BRIP1: variants seen among roughly 807,000 people sequenced by gnomAD.
BRIP1 encodes Fanconi anemia group J protein.
BRIP1 carries 88 observed loss-of-function variants against 119.7 expected under a neutral mutation model. The ratio of observed to expected loss-of-function variants is 0.74; its 90% confidence interval spans 0.62 to 0.88. The LOEUF (loss-of-function observed/expected upper bound fraction) is 0.88, where lower values mean the gene tolerates loss of function less well. Among genes scored for constraint, BRIP1 ranks in the 40% least tolerant of loss-of-function variants. The probability of loss-of-function intolerance (pLI) is 0.00; values close to 1 mark genes in which losing one functional copy is unlikely to be tolerated. For synonymous variants in BRIP1, 443 were observed against 496.5 expected (o/e 0.89, Z 1.43); for missense variants, 1,259 against 1,455.4 (o/e 0.87, Z 2.20).
chr17:61,730,079 G>A lies in BRIP1; in HGVS notation c.2379+12934C>T, dbSNP rs1019473540. 6.6e-6 allele frequency among the ~76,000 whole-genome samples: 1 copy of A among 152,218 alleles called. No homozygotes were observed. The highest frequency in any genetic ancestry group is 1.5e-5 in the Non-Finnish European group (1 of 68,040). ...GAAAATACACTGAGTTATTTGTATA[G>A]CTTACTATAGTCACTGACGCACTGG... On this transcript the variant is annotated intron_variant, in intron 16 of 19. Transcript: ENST00000259008. The surrounding 1 kb of genome is among the most constrained non-coding windows in gnomAD (Gnocchi z 4.3).
chr17:61,791,709 G>A (rs1000303905), intron 10 of BRIP1, among the ~76,000 whole-genome samples: 5 of 151,874 alleles, frequency 3.3e-5, no homozygotes, highest in African/African-American at 9.7e-5. Context: ...CCTGCCCCAT[G>A]GAAGTACAGC....
chr17:61,714,247 C>G (rs1009014209), intron 17 of BRIP1, among the ~76,000 whole-genome samples: 2 of 152,164 alleles, frequency 1.3e-5, no homozygotes, highest in Non-Finnish European at 2.9e-5. Flanking sequence ...ATAAAGCCTA[C>G]AGTTAGTGTA....
At position 61,780,693 on chromosome 17, in the gene BRIP1, A is replaced by C. The variant is rs1603333935; in HGVS notation, c.1794+147T>G. On this transcript the variant is annotated intron_variant, in intron 12 of 19. Coordinates refer to ENST00000259008, the MANE Select transcript of BRIP1 (RefSeq NM_032043.3). This position sits in a 1 kb window ranked among gnomAD's most constrained non-coding sequence, Gnocchi z 5.4. Reference sequence around the variant, plus strand: ...CAGTGAGCTGAGATTGCACCACTGCACTCCAGCCTGGGTGAAGAGCAAGAC... The same window carrying C: ...CAGTGAGCTGAGATTGCACCACTGCCCTCCAGCCTGGGTGAAGAGCAAGAC... 1.0e-6 allele frequency: 1 copy of C among 970,152 alleles called. No homozygotes were observed. Among genetic ancestry groups the C allele is most frequent in the Non-Finnish European group, 1.6e-6 (1 of 621,822 alleles). 60.1% of individuals were successfully genotyped at this position (970,152 alleles called of 1,614,324 possible). A position where few individuals can be genotyped will look rare whatever the true frequency, so the allele number is the denominator to read the frequency against.
chr17:61,859,042 C>G (rs1301178905), intron 3 of BRIP1, among the ~76,000 whole-genome samples: 1 of 136,264 alleles, frequency 7.3e-6, no homozygotes, highest in Non-Finnish European at 1.5e-5. Context: ...TCCCAGGTGA[C>G]GCCACTCAAA....
rs1483046807 is a variant in BRIP1 at position 61,824,310 on chromosome 17, A to C, written c.628-15553T>G. On this transcript the variant is annotated intron_variant, in intron 6 of 19. Coordinates refer to ENST00000259008, the MANE Select transcript of BRIP1 (RefSeq NM_032043.3). The surrounding 1 kb of genome is among the most constrained non-coding windows in gnomAD (Gnocchi z 4.3). ...GAAGTTTCTTGCAGAAATAGAAAAT[A>C]CCATCCTAAAATTCACATGGATTCT... Among the ~76,000 whole-genome samples, 1 of 152,230 alleles carries C rather than the reference A, an allele frequency of 6.6e-6. No homozygotes were observed. The highest frequency in any genetic ancestry group is 1.9e-4 in the East Asian group (1 of 5,198).
In BRIP1 at chr17:61,685,858, G is replaced by A. The variant is rs367728797; in HGVS notation, c.2883C>T (p.Ser961=). The A allele has an allele frequency of 6.2e-7, 1 of 1,612,534 alleles. No homozygotes were observed. Among genetic ancestry groups the A allele is most frequent in the Non-Finnish European group, 8.5e-7 (1 of 1,179,056 alleles). ...TACTTTTCTCCTTTCTGGAGATAAT[G>A]CTACTTGGTAGAGGTGAATTTTTGG... ...IITKNSPLPS[S]IISRKEKNDP... is the part of the protein sequence containing the mutation. The change falls in exon 19 of 20, where the codon AGC becomes AGT. Residue 961 remains serine (S), a synonymous_variant. Coordinates refer to ENST00000259008, the MANE Select transcript of BRIP1 (RefSeq NM_032043.3).
At position 61,724,406 on chromosome 17, in the gene BRIP1, G is replaced by C. The variant is rs777860808; in HGVS notation, c.2380-8343C>G. Among the ~76,000 whole-genome samples the C allele has an allele frequency of 6.6e-6, 1 of 151,988 alleles. No homozygotes were observed. The highest frequency in any genetic ancestry group is 2.4e-5 in the African/African-American group (1 of 41,392). Reference sequence around the variant, plus strand: ...AATAGACAATATGAAATAATCAAAAGGATTATACTGCATATGTCAACGAGA... The same window carrying C: ...AATAGACAATATGAAATAATCAAAACGATTATACTGCATATGTCAACGAGA... On this transcript the variant is annotated intron_variant, in intron 16 of 19. Coordinates refer to ENST00000259008, the MANE Select transcript of BRIP1 (RefSeq NM_032043.3). The surrounding 1 kb of genome is among the most constrained non-coding windows in gnomAD (Gnocchi z 5.1).
In BRIP1 at chr17:61,827,232, G is replaced by A. The variant is rs555429745; in HGVS notation, c.628-18475C>T. ...AGGAGCTAAATCATGAGAACATATG[G>A]AAACATAAAGGGGAAAAACACACAA... is the stretch of plus-strand genomic sequence containing the variant. On this transcript the variant is annotated intron_variant, in intron 6 of 19. Transcript: ENST00000259008. The surrounding 1 kb of genome is among the most constrained non-coding windows in gnomAD (Gnocchi z 5.8). Among the ~76,000 whole-genome samples the A allele has an allele frequency of 1.3e-5, 2 of 152,212 alleles. No individual in the cohort carries two copies. The highest frequency in any genetic ancestry group is 3.9e-4 in the East Asian group (2 of 5,180).
chr17:61,782,758 A>T (rs1439251731), intron 11 of BRIP1, among the ~76,000 whole-genome samples: 1 of 152,202 alleles, frequency 6.6e-6, no homozygotes, highest in Non-Finnish European at 1.5e-5. Flanking sequence ...ACATGAAAAG[A>T]TTCTCAACTT....
chr17:61,812,368 G>A (rs536244092), intron 6 of BRIP1, among the ~76,000 whole-genome samples: 39 of 152,090 alleles, frequency 2.6e-4, no homozygotes, highest in Admixed American at 2.1e-3. Context: ...CAGGAAACTA[G>A]AGAATAAATT....
In BRIP1 at chr17:61,683,130, C is replaced by CAAA; in HGVS notation, c.*163_*165dup. 2 of 754,482 alleles carry CAAA rather than the reference C, an allele frequency of 2.7e-6. No homozygotes were observed. Among genetic ancestry groups the CAAA allele is most frequent in the Non-Finnish European group, 2.0e-6 (1 of 506,434 alleles). 46.7% of individuals were successfully genotyped at this position (754,482 alleles called of 1,614,324 possible). A position where few individuals can be genotyped will look rare whatever the true frequency, so the allele number is the denominator to read the frequency against. Reference sequence around the variant, plus strand: ...TGGGCAACAGACCAAGACTCTGTCTCAAAAAAAAAAACCCAAAAACTCAAG... The same window carrying CAAA: ...TGGGCAACAGACCAAGACTCTGTCTCAAAAAAAAAAAAAACCCAAAAACTCAAG... On this transcript the variant is annotated 3_prime_UTR_variant, in exon 20 of 20. Coordinates refer to ENST00000259008, the MANE Select transcript of BRIP1 (RefSeq NM_032043.3). The surrounding 1 kb of genome is among the most constrained non-coding windows in gnomAD (Gnocchi z 4.7).
chr17:61,703,416 A>G lies in BRIP1; in HGVS notation c.2493-9904T>C, dbSNP rs1567746310. On this transcript the variant is annotated intron_variant, in intron 17 of 19. Coordinates refer to ENST00000259008, the MANE Select transcript of BRIP1 (RefSeq NM_032043.3). The surrounding 1 kb of genome is among the most constrained non-coding windows in gnomAD (Gnocchi z 5.0). Reference sequence around the variant, plus strand: ...ATGATAGTGTGTTGAACATTTTTTCATATGCTTCTTGGCCACATGCATGTC... The same window carrying G: ...ATGATAGTGTGTTGAACATTTTTTCGTATGCTTCTTGGCCACATGCATGTC... Among the ~76,000 whole-genome samples, 1 of 152,086 alleles carries G rather than the reference A, an allele frequency of 6.6e-6. No individual in the cohort carries two copies. The highest frequency in any genetic ancestry group is 2.4e-5 in the African/African-American group (1 of 41,408).
chr17:61,784,518 A>G (rs1358892742), intron 10 of BRIP1, 94 bp from the exon 11 acceptor site: 5 of 1,200,242 alleles, frequency 4.2e-6, no homozygotes, highest in Non-Finnish European at 6.1e-6. Context: ...CAAAACATGC[A>G]TTGAAATTTT....
Position 61,863,474 on chromosome 17 carries a change from C to T in BRIP1, c.-221G>A, listed in dbSNP as rs1313934030. The T allele has an allele frequency of 6.6e-6, 1 of 152,054 alleles. No individual in the cohort carries two copies. The highest frequency in any genetic ancestry group is 1.5e-5 in the Non-Finnish European group (1 of 68,120). The allele number at this position is 152,054 out of a possible 1,614,324, so 9.4% of individuals were successfully genotyped here. A position where few individuals can be genotyped will look rare whatever the true frequency, so the allele number is the denominator to read the frequency against. ...TGTGCAGGACTGGGGCCGCCGTTAC[C>T]TTTCCTCGACCCACCAGACCCCTCA... On this transcript the variant is annotated 5_prime_UTR_variant, in exon 1 of 20. Coordinates refer to ENST00000259008, the MANE Select transcript of BRIP1 (RefSeq NM_032043.3).
chr17:61,734,453 G>C lies in BRIP1; in HGVS notation c.2379+8560C>G, dbSNP rs556826334. The stretch of plus-strand genomic sequence containing the variant: ...TGAATGATCAGAAGCATCTGGGAAA[G>C]GTGGAAGTGAAAAAAATCCTCACTG... On this transcript the variant is annotated intron_variant, in intron 16 of 19. Coordinates refer to ENST00000259008, the MANE Select transcript of BRIP1 (RefSeq NM_032043.3). The surrounding 1 kb of genome is among the most constrained non-coding windows in gnomAD (Gnocchi z 5.2). Among the ~76,000 whole-genome samples the C allele has an allele frequency of 6.6e-6, 1 of 152,122 alleles. No homozygotes were observed. The highest frequency in any genetic ancestry group is 2.4e-5 in the African/African-American group (1 of 41,412).
chr17:61,778,855 C>T lies in BRIP1; in HGVS notation c.1935+1406G>A, dbSNP rs2077573418. On this transcript the variant is annotated intron_variant, in intron 13 of 19. Coordinates refer to ENST00000259008, the MANE Select transcript of BRIP1 (RefSeq NM_032043.3). The surrounding 1 kb of genome is among the most constrained non-coding windows in gnomAD (Gnocchi z 4.4). ...TCCCAACTACCAAATGCCGTAGTTG[C>T]TCCCAAGTAATTGTGAGGACCAAAA... 6.6e-6 allele frequency among the ~76,000 whole-genome samples: 1 copy of T among 152,180 alleles called. No individual in the cohort carries two copies. Among genetic ancestry groups the T allele is most frequent in the South Asian group, 2.1e-4 (1 of 4,836 alleles).
intron 4 of BRIP1, among the ~76,000 whole-genome samples, chr17:61,850,956 G>A (rs540114612): frequency 4.7e-5 from 7 of 150,514 alleles, no homozygotes; most frequent in African/African-American, 7.3e-5. Flanking sequence ...AGCTGGGCAC[G>A]GTGGCTCACA....
At position 61,844,011 on chromosome 17, in the gene BRIP1, A is replaced by G. The variant is rs117543153; in HGVS notation, c.627+3090T>C. 6.5e-3 allele frequency among the ~76,000 whole-genome samples: 991 copies of G among 152,014 alleles called. 1 individual carries two copies. The highest frequency in any genetic ancestry group is 0.014 in the Middle Eastern group (4 of 294). Reference sequence around the variant, plus strand: ...TCAATCATAGTTCAATACAGCCTCAATCTTCTGGCTCAAGGGATCCCCCTC... The same window carrying G: ...TCAATCATAGTTCAATACAGCCTCAGTCTTCTGGCTCAAGGGATCCCCCTC... On this transcript the variant is annotated intron_variant, in intron 6 of 19. Transcript: ENST00000259008. The surrounding 1 kb of genome is among the most constrained non-coding windows in gnomAD (Gnocchi z 4.7).
intron 14 of BRIP1, among the ~76,000 whole-genome samples, chr17:61,766,058 T>A (rs1316398107): frequency 6.6e-6 from 1 of 152,168 alleles, no homozygotes; most frequent in Non-Finnish European, 1.5e-5. Flanking sequence ...GGTATTTTTA[T>A]ATAAGTGCAT....
Sources: gnomAD v4.1 joint callset for allele counts (sites outside exome capture counted in the v4.1 genomes callset) on GRCh38, gnomAD v4.1.1 for gene constraint, Gnocchi (gnomAD v3.1) non-coding constraint, MANE v1.5 for transcripts, NCBI Gene and HGNC (gene_info 2026-07-23, HGNC 2026-07-21) for gene names.